The following CREB3 variants were observed in gnomAD, a reference collection of about 807,000 sequenced individuals.
The protein encoded by CREB3 is cAMP responsive element binding protein 3.
A neutral mutation model predicts 34.5 loss-of-function variants in CREB3; 29 were observed. The observed-to-expected ratio is 0.84, with a 90% CI of 0.63 to 1.15. The LOEUF (loss-of-function observed/expected upper bound fraction) is 1.15, where lower values mean the gene tolerates loss of function less well. Among genes scored for constraint, CREB3 ranks in the 50% most tolerant of loss-of-function variants. The pLI, the probability that CREB3 is intolerant of heterozygous loss-of-function variation, is 0.00. For missense variants in CREB3, 447 were observed against 443.4 expected, an observed-to-expected ratio of 1.01 and a Z score of -0.07; for synonymous variants, 187 against 173.9, an observed-to-expected ratio of 1.08 and a Z score of -0.59.
intron 5 of CREB3, 29 bp downstream of exon 5, chr9:35,735,244 A>C: frequency 6.2e-7 from 1 of 1,612,396 alleles, no homozygotes; most frequent in Non-Finnish European, 8.5e-7. Flanking sequence ...CTCTGTTGTA[A>C]GTATTAGGTT....
chr9:35,735,306 G>A lies in CREB3; in HGVS notation c.543G>A (p.Arg181=). The A allele has an allele frequency of 6.2e-7, 1 of 1,613,980 alleles. No individual in the cohort carries two copies. Among genetic ancestry groups the A allele is most frequent in the Non-Finnish European group, 8.5e-7 (1 of 1,179,910 alleles). ...CCCGTATCTTTGTTATTTCCCCCAG[G>A]GTCTTGAAATACACAGCCCAGAATA... ...KKVYVGGLES[R]VLKYTAQNME... The change falls in exon 6 of 9, where the codon AGG becomes AGA. Residue 181 remains arginine, a splice_region_variant and synonymous_variant. Coordinates refer to ENST00000353704, the MANE Select transcript of CREB3 (RefSeq NM_006368.5).
rs779918612 is a variant in CREB3, at chr9:35,732,939, C to T, written c.129+38C>T. 52 of 1,612,568 alleles carry T rather than the reference C, an allele frequency of 3.2e-5. No homozygotes were observed. In the East Asian group the frequency reaches 1.1e-3, roughly 33 times the overall value. ...TCTGACTGGGGAAAGCGTGGGATGTCCATGAAGTCAGGTGATGGTGATAAG... is the reference window on the plus strand; with the variant it reads ...TCTGACTGGGGAAAGCGTGGGATGTTCATGAAGTCAGGTGATGGTGATAAG... On this transcript the variant is annotated intron_variant, in intron 1 of 8. Transcript: ENST00000353704. This position sits in a 1 kb window ranked among gnomAD's most constrained non-coding sequence, Gnocchi z 5.1.
intron 2 of CREB3, 27 bp downstream of exon 2, chr9:35,733,170 G>A: frequency 6.2e-7 from 1 of 1,614,218 alleles, no homozygotes; most frequent in Non-Finnish European, 8.5e-7. Context: ...TTTGCGGGGA[G>A]GACAGGGTTC....
rs541602464 is a variant in CREB3 at position 35,735,945 on chromosome 9, G to A, written c.612-103G>A. 614 of 824,012 alleles carry A rather than the reference G, an allele frequency of 7.5e-4. 4 individuals are homozygous for A. The highest frequency in any genetic ancestry group is 3.8e-4 in the Non-Finnish European group (187 of 488,638). 51.0% of individuals were successfully genotyped at this position (824,012 alleles called of 1,614,324 possible). ...AAAATAGAATGAAAAGTAAGAGAGAGGATCCAGTGCAGAGATGGAGGAGGT... is the reference window on the plus strand; with the variant it reads ...AAAATAGAATGAAAAGTAAGAGAGAAGATCCAGTGCAGAGATGGAGGAGGT... On this transcript the variant is annotated intron_variant, in intron 6 of 8. Coordinates refer to ENST00000353704, the MANE Select transcript of CREB3 (RefSeq NM_006368.5).
chr9:35,736,267 T>G lies in CREB3; in HGVS notation c.737T>G (p.Met246Arg), dbSNP rs937458351. The stretch of plus-strand genomic sequence containing the variant: ...TTCTGCCTCCTCCTTGTACCTGCTA[T>G]GTACTCCTCTGACACAAGGGGGAGC... Reference protein sequence around the residue: ...VSFCLLLVPAMYSSDTRGSLP... With the variant: ...VSFCLLLVPARYSSDTRGSLP... Residue 246 changes from methionine (M) to arginine (R), a missense_variant, in exon 8 of 9, where the codon ATG becomes AGG. Coordinates refer to ENST00000353704, the MANE Select transcript of CREB3 (RefSeq NM_006368.5). The G allele has an allele frequency of 5.6e-6, 9 of 1,614,020 alleles. No homozygotes were observed. Among genetic ancestry groups the G allele is most frequent in the African/African-American group, 5.3e-5 (4 of 74,906 alleles).
In CREB3 at chr9:35,736,775, T is replaced by C. The variant is rs1158753492; in HGVS notation, c.*49T>C. The stretch of plus-strand genomic sequence containing the variant: ...CAGCAGGAGCCTGGGGGGCTCCCCA[T>C]CTGTGTCCAAATAAAAAGCGGTGGG... On this transcript the variant is annotated 3_prime_UTR_variant, in exon 9 of 9. Transcript: ENST00000353704. 1 of 1,516,204 alleles carries C rather than the reference T, an allele frequency of 6.6e-7. No homozygotes were observed. The highest frequency in any genetic ancestry group is 8.9e-7 in the Non-Finnish European group (1 of 1,122,696). The allele number at this position is 1,516,204 out of a possible 1,614,324, so 93.9% of individuals were successfully genotyped here. A position where few individuals can be genotyped will look rare whatever the true frequency, so the allele number is the denominator to read the frequency against.
chr9:35,733,048 C>T lies in CREB3; in HGVS notation c.182C>T (p.Pro61Leu), dbSNP rs1471629384. 2 of 1,614,244 alleles carry T rather than the reference C, an allele frequency of 1.2e-6. No homozygotes were observed. The highest frequency in any genetic ancestry group is 2.2e-5 in the East Asian group (1 of 44,894). Residue 61 changes from proline (P) to leucine (L), a missense_variant, in exon 2 of 9, where the codon CCA becomes CTA. Pro to Leu is a moderately conservative substitution (Grantham distance 98, BLOSUM62 -3). Coordinates refer to ENST00000353704, the MANE Select transcript of CREB3 (RefSeq NM_006368.5). ...TTGCTGTGCTCCCTGCTGAGTCCCC[C>T]AGCGTCGTTGAACATTCTCAGCTCC... is the stretch of plus-strand genomic sequence containing the variant. ...DDLLCSLLSP[P>L]ASLNILSSSN... is the part of the protein sequence containing the mutation.
chr9:35,735,884 C>A (rs1401929895), intron 6 of CREB3, among the ~76,000 whole-genome samples, 164 bp from the exon 7 acceptor site: 1 of 152,136 alleles, frequency 6.6e-6, no homozygotes, highest in Non-Finnish European at 1.5e-5. Context: ...TGAGGAACTT[C>A]AGGCATTTTG....
At chr9:35,733,194 T>C in intron 2 of CREB3, 21 bp from the exon 3 acceptor site, 2 of 1,614,226 alleles carry the variant, frequency 1.2e-6, no homozygotes, top group Non-Finnish European at 8.5e-7. Context: ...GGCCTGGCTA[T>C]TCATACTTTC....
rs1826134406 is a variant in CREB3 at position 35,733,504 on chromosome 9, G to T, written c.435+19G>T. 3 of 1,577,296 alleles carry T rather than the reference G, an allele frequency of 1.9e-6. No individual in the cohort carries two copies. In the East Asian group the frequency reaches 6.7e-5, roughly 35 times the overall value. On this transcript the variant is annotated intron_variant, in intron 4 of 8. Coordinates refer to ENST00000353704, the MANE Select transcript of CREB3 (RefSeq NM_006368.5). ...CACTAAGGTAAGACTCTCATTGGTT[G>T]AACAAAGGCTGAAAAGGGATTAAAA...
Position 35,736,050 on chromosome 9 carries a change from C to A in CREB3, c.614C>A (p.Ser205Tyr). The change falls in exon 7 of 9, where the codon TCC (serine) becomes TAC (tyrosine). Residue 205 changes from serine (S) to tyrosine (Y), a missense_variant and splice_region_variant. Transcript: ENST00000353704. ...KVQLLEEQNL[S>Y]LLDQLRKLQA... ...TATTGGCCCCTCTCTTCCTCTAGGTCCCTTCTAGATCAACTGAGGAAACTC... is the reference window on the plus strand; with the variant it reads ...TATTGGCCCCTCTCTTCCTCTAGGTACCTTCTAGATCAACTGAGGAAACTC... 1.2e-6 allele frequency: 2 copies of A among 1,612,758 alleles called. No homozygotes were observed. The highest frequency in any genetic ancestry group is 2.2e-5 in the South Asian group (2 of 91,032).
Position 35,733,241 on chromosome 9 carries a change from AC to A in CREB3, c.307del (p.Gln103ArgfsTer2), listed in dbSNP as rs1318280740. 7 of 1,614,112 alleles carry A rather than the reference AC, an allele frequency of 4.3e-6. No individual in the cohort carries two copies. The highest frequency in any genetic ancestry group is 5.9e-6 in the Non-Finnish European group (7 of 1,180,030). On this transcript the variant is annotated frameshift_variant, in exon 3 of 9. Coordinates refer to ENST00000353704, the MANE Select transcript of CREB3 (RefSeq NM_006368.5). LOFTEE classifies it high-confidence loss of function. ...LESESCRKEG[T>X]QMTPQHMEEL... ...GAGTGAGAGCTGTAGAAAAGAGGGG[AC>A]CCAGATGACTCCACAGCATATGGAG...
In CREB3 at chr9:35,735,312, G is replaced by T. The variant is rs993529077; in HGVS notation, c.549G>T (p.Leu183Phe). ...VYVGGLESRV[L>F]KYTAQNMELQ... ...TCTTTGTTATTTCCCCCAGGGTCTT[G>T]AAATACACAGCCCAGAATATGGAGC... Residue 183 changes from leucine to phenylalanine, a missense_variant, in exon 6 of 9, where the codon TTG becomes TTT. Coordinates refer to ENST00000353704, the MANE Select transcript of CREB3 (RefSeq NM_006368.5). 2.5e-6 allele frequency: 4 copies of T among 1,614,128 alleles called. No individual in the cohort carries two copies. Among genetic ancestry groups the T allele is most frequent in the Non-Finnish European group, 3.4e-6 (4 of 1,179,992 alleles).
chr9:35,733,177 G>C, intron 2 of CREB3, 34 bp downstream of exon 2: 1 of 1,614,210 alleles, frequency 6.2e-7, no homozygotes. Flanking sequence ...GGAGGACAGG[G>C]TTCATGGGCC....
chr9:35,735,843 T>C (rs1451914686), intron 6 of CREB3, among the ~76,000 whole-genome samples: 1 of 151,352 alleles, frequency 6.6e-6, no homozygotes, highest in Non-Finnish European at 1.5e-5. Flanking sequence ...TTTTGTTTTG[T>C]TTTTGCTTTT....
intron 6 of CREB3, 61 bp from the exon 7 acceptor site, chr9:35,735,987 T>G (rs1826195544): frequency 1.5e-6 from 2 of 1,306,986 alleles, no homozygotes; most frequent in East Asian, 4.6e-5. Context: ...AACAGGAGTT[T>G]CACTGTGTCT....
chr9:35,733,365 G>A, intron 3 of CREB3, 31 bp from the exon 4 acceptor site: 2 of 1,609,490 alleles, frequency 1.2e-6, no homozygotes, highest in Non-Finnish European at 1.7e-6. Context: ...ACATCCCCAT[G>A]CAACTGCCGT....
chr9:35,735,991 T>A, intron 6 of CREB3, 57 bp from the exon 7 acceptor site: 2 of 1,346,096 alleles, frequency 1.5e-6, no homozygotes, highest in Admixed American at 1.7e-5. Flanking sequence ...GGAGTTTCAC[T>A]GTGTCTCAGG....
intron 3 of CREB3, 42 bp downstream of exon 3, chr9:35,733,324 A>C: frequency 6.2e-7 from 1 of 1,612,218 alleles, no homozygotes; most frequent in Non-Finnish European, 8.5e-7. Context: ...CACATTCCCC[A>C]GGTGGGGGCA....
Sources: allele counts gnomAD v4.1 joint callset (sites outside exome capture counted in the v4.1 genomes callset), GRCh38; gene constraint gnomAD v4.1.1; non-coding constraint Gnocchi (gnomAD v3.1); transcripts MANE v1.5; gene names NCBI Gene and HGNC (gene_info 2026-07-23, HGNC 2026-07-21).